The following RTTN variants were observed in gnomAD, a reference collection of about 807,000 sequenced individuals.
RTTN encodes rotatin.
In RTTN, 182 loss-of-function variants were observed where a neutral mutation model predicts 269.2. That is an observed-to-expected ratio of 0.68 (90% CI 0.60 to 0.76). RTTN has a LOEUF of 0.76. Among genes scored for constraint, RTTN ranks in the 30% least tolerant of loss-of-function variants. RTTN has a pLI of 0.00. For missense variants in RTTN, 2,545 were observed against 2,608.6 expected (o/e 0.98, Z 0.53); for synonymous variants, 1,006 against 963.5 (o/e 1.04, Z -0.82).
At chr18:70,194,021 T>C (rs1280791333) in intron 7 of RTTN, 2 of 152,212 alleles carry the variant, frequency 1.3e-5, no homozygotes, top group African/African-American at 4.8e-5. Context: ...GGAGGAAATA[T>C]TGGCAAACCA....
intron 32 of RTTN, among the ~76,000 whole-genome samples, chr18:70,078,372 T>C (rs1359478989): frequency 1.3e-5 from 2 of 151,954 alleles, no homozygotes; most frequent in East Asian, 1.9e-4. Context: ...TCTCATGCAC[T>C]TGTCACTAGT....
chr18:70,057,501 T>A (rs1161558385), intron 37 of RTTN, among the ~76,000 whole-genome samples: 1 of 152,184 alleles, frequency 6.6e-6, no homozygotes, highest in African/African-American at 2.4e-5. Flanking sequence ...GATCATACAT[T>A]TAAAGCTGGT....
chr18:70,123,951 C>T (rs2059800416), intron 25 of RTTN, among the ~76,000 whole-genome samples: 1 of 151,948 alleles, frequency 6.6e-6, no homozygotes, highest in Non-Finnish European at 1.5e-5. Flanking sequence ...CCCCATGCCA[C>T]AGCACCACAC....
In RTTN at chr18:70,075,453, T is replaced by C. The variant is rs975526302; in HGVS notation, c.4463A>G (p.Glu1488Gly). The change falls in exon 33 of 49, where the codon GAA becomes GGA. Residue 1488 changes from glutamate to glycine, a missense_variant. Glu to Gly is a moderately conservative substitution (Grantham distance 98). Coordinates refer to ENST00000640769, the MANE Select transcript of RTTN (RefSeq NM_173630.4). ...ATGCTTTACCATCTGATTCAAATGT[T>C]CATAAAAATGGCAGTGATATAAAAG... ...QALLYHCHFYEHLNQMVKHCY... is the reference protein window; with the variant it reads ...QALLYHCHFYGHLNQMVKHCY... 3 of 1,609,402 alleles carry C rather than the reference T, an allele frequency of 1.9e-6. No homozygotes were observed. The highest frequency in any genetic ancestry group is 2.5e-6 in the Non-Finnish European group (3 of 1,177,874).
intron 34 of RTTN, among the ~76,000 whole-genome samples, chr18:70,069,934 T>A (rs1256334732): frequency 2.0e-5 from 3 of 152,206 alleles, no homozygotes; most frequent in Non-Finnish European, 4.4e-5. Flanking sequence ...AAATAATACC[T>A]TTCTCTATAT....
intron 12 of RTTN, among the ~76,000 whole-genome samples, chr18:70,167,698 C>A (rs1187760354): frequency 1.4e-5 from 2 of 144,806 alleles, no homozygotes; most frequent in Non-Finnish European, 1.5e-5. Context: ...AGTGAGATTT[C>A]GTCTCAAAAA....
At position 70,030,085 on chromosome 18, in the gene RTTN, T is replaced by C. The variant is rs1461030838; in HGVS notation, c.5672A>G (p.Glu1891Gly). 4.3e-6 allele frequency: 7 copies of C among 1,612,442 alleles called. No individual in the cohort carries two copies. The highest frequency in any genetic ancestry group is 5.9e-6 in the Non-Finnish European group (7 of 1,179,394). The change falls in exon 42 of 49, where the codon GAG becomes GGG. Residue 1891 changes from glutamate (E) to glycine (G), a missense_variant. Coordinates refer to ENST00000640769, the MANE Select transcript of RTTN (RefSeq NM_173630.4). ...TTGTGCATTTATGTGTTTCATCTGC[T>C]CCATGCAATTGTCTATAAGATTGGC... ...LKANLIDNCM[E>G]QMKHINAQLN...
intron 40 of RTTN, among the ~76,000 whole-genome samples, chr18:70,044,268 A>G (rs560767594): frequency 5.3e-5 from 8 of 152,362 alleles, no homozygotes; most frequent in African/African-American, 1.7e-4. Flanking sequence ...AAATACATCT[A>G]AAATAAGGCA....
intron 25 of RTTN, 108 bp downstream of exon 25, chr18:70,127,394 A>G: frequency 7.9e-7 from 1 of 1,269,770 alleles, no homozygotes; most frequent in Non-Finnish European, 1.1e-6. Context: ...TTTTCTTTCT[A>G]TGATAGCAGC....
chr18:70,127,413 C>A, intron 25 of RTTN, 89 bp downstream of exon 25: 2 of 1,450,550 alleles, frequency 1.4e-6, no homozygotes, highest in Non-Finnish European at 9.4e-7. Context: ...GCAGTAAGGG[C>A]ATAGACTCTT....
At position 70,147,345 on chromosome 18, in the gene RTTN, A is replaced by C. The variant is rs970262992; in HGVS notation, c.2309+1556T>G. Among the ~76,000 whole-genome samples, 26 of 152,302 alleles carry C rather than the reference A, an allele frequency of 1.7e-4. 1 individual carries two copies. In the South Asian group the frequency reaches 3.3e-3, roughly 19 times the overall value. On this transcript the variant is annotated intron_variant, in intron 17 of 48. Transcript: ENST00000640769. ...TGTGTTACAACTGCATATGGTATTCAGTACAGTAACATGCTGTACAGGTTT... is the reference window on the plus strand; with the variant it reads ...TGTGTTACAACTGCATATGGTATTCCGTACAGTAACATGCTGTACAGGTTT...
intron 33 of RTTN, among the ~76,000 whole-genome samples, chr18:70,074,398 T>C (rs1489057832): frequency 6.6e-6 from 1 of 152,120 alleles, no homozygotes; most frequent in East Asian, 1.9e-4. Flanking sequence ...TTTAAAATGT[T>C]CAAAACTTCA....
intron 33 of RTTN, 69 bp from the exon 34 acceptor site, chr18:70,074,063 C>A: frequency 1.8e-6 from 2 of 1,081,620 alleles, no homozygotes; most frequent in East Asian, 2.5e-5. Context: ...TAAAAGGGTA[C>A]GCATTACAGG....
chr18:70,030,989 G>A lies in RTTN; in HGVS notation c.5542-8C>T. On this transcript the variant is annotated splice_region_variant and splice_polypyrimidine_tract_variant and intron_variant, in intron 40 of 48. Transcript: ENST00000640769. ...GGATTTCCCTTCATAGCACTGCAGA[G>A]AATATAAATCAAACTGCCTTGAAGA... The A allele has an allele frequency of 6.3e-7, 1 of 1,587,410 alleles. No homozygotes were observed. Among genetic ancestry groups the A allele is most frequent in the Non-Finnish European group, 8.6e-7 (1 of 1,161,612 alleles).
chr18:70,065,092 T>A (rs982178306), intron 35 of RTTN, among the ~76,000 whole-genome samples: 10 of 152,228 alleles, frequency 6.6e-5, no homozygotes, highest in African/African-American at 2.4e-4. Context: ...GAACAAATAT[T>A]GTAATGAAAG....
intron 22 of RTTN, among the ~76,000 whole-genome samples, 173 bp from the exon 23 acceptor site, chr18:70,134,714 G>A (rs1372084120): frequency 1.3e-5 from 2 of 152,080 alleles, no homozygotes; most frequent in Non-Finnish European, 2.9e-5. Context: ...TGCTTATGAA[G>A]AGTAAATTAT....
rs763144748 is a variant in RTTN, at chr18:70,030,970, C to G, written c.5553G>C (p.Gly1851=). 6.2e-7 allele frequency: 1 copy of G among 1,610,766 alleles called. No homozygotes were observed. The highest frequency in any genetic ancestry group is 2.2e-5 in the East Asian group (1 of 44,828). Residue 1851 remains glycine (G), a synonymous_variant, in exon 41 of 49, where the codon GGG becomes GGC. Transcript: ENST00000640769. The part of the protein sequence containing the change: ...LSDVILQCYE[G]KSSKDILKRV... Reference sequence around the variant, plus strand: ...TTTTCAGGATATCTTTGGAGGATTTCCCTTCATAGCACTGCAGAGAATATA... The same window carrying G: ...TTTTCAGGATATCTTTGGAGGATTTGCCTTCATAGCACTGCAGAGAATATA...
intron 46 of RTTN, among the ~76,000 whole-genome samples, chr18:70,014,733 A>G (rs1046419006): frequency 6.6e-6 from 1 of 151,946 alleles, no homozygotes; most frequent in Non-Finnish European, 1.5e-5. Flanking sequence ...TTTTTGACCC[A>G]TCCATCTATT....
At chr18:70,194,715 T>A (rs2061760547) in intron 7 of RTTN, 1 of 152,240 alleles carries the variant, frequency 6.6e-6, no homozygotes, top group Non-Finnish European at 1.5e-5. Flanking sequence ...AAATACTGTA[T>A]GATTCCTCTT....
Sources: allele counts gnomAD v4.1 joint callset (sites outside exome capture counted in the v4.1 genomes callset), GRCh38; gene constraint gnomAD v4.1.1; transcripts MANE v1.5; gene names NCBI Gene and HGNC (gene_info 2026-07-23, HGNC 2026-07-21).